The following RNF150 variants were observed in gnomAD, a reference collection of about 807,000 sequenced individuals.
The protein encoded by RNF150 is ring finger protein 150.
In RNF150, 24 loss-of-function variants were observed where a neutral mutation model predicts 39.3. The observed-to-expected ratio is 0.61, with a 90% CI of 0.44 to 0.86. The LOEUF is 0.86. Ranked by LOEUF, RNF150 falls within the 40% of genes least tolerant of loss-of-function variation. RNF150 has a pLI of 0.00. For missense variants in RNF150, 502 were observed against 587.8 expected (o/e 0.85, Z 1.51); for synonymous variants, 255 against 227.3 (o/e 1.12, Z -1.10).
chr4:141,114,387 A>C (rs188455526), intron 1 of RNF150, among the ~76,000 whole-genome samples: 80 of 152,350 alleles, frequency 5.3e-4, no homozygotes, highest in Admixed American at 5.2e-3. Flanking sequence ...CTATGCAAAT[A>C]AACTAGAAAA....
chr4:141,087,619 G>T (rs530358222), intron 1 of RNF150, among the ~76,000 whole-genome samples: 183 of 152,014 alleles, frequency 1.2e-3, no homozygotes, highest in Non-Finnish European at 2.4e-3. Context: ...ATGTTTTATA[G>T]GTCCTGCTCT....
At chr4:141,205,326 T>C (rs1330409388) in intron 1 of RNF150, among the ~76,000 whole-genome samples, 1 of 152,188 alleles carries the variant, frequency 6.6e-6, no homozygotes, top group African/African-American at 2.4e-5. Flanking sequence ...CCTAAGATGA[T>C]AAAACAGAAG....
chr4:141,063,924 C>T (rs1737348381), intron 1 of RNF150, among the ~76,000 whole-genome samples: 1 of 150,400 alleles, frequency 6.6e-6, no homozygotes. Flanking sequence ...AAGGTTTTGG[C>T]CTTAGCCTCT....
chr4:141,152,206 G>C (rs1363387715), intron 1 of RNF150, among the ~76,000 whole-genome samples: 1 of 152,210 alleles, frequency 6.6e-6, no homozygotes, highest in Non-Finnish European at 1.5e-5. Context: ...ATCAACGGGT[G>C]AGATATTGCC....
chr4:140,999,406 C>T (rs1280481861), intron 1 of RNF150, among the ~76,000 whole-genome samples: 1 of 152,196 alleles, frequency 6.6e-6, no homozygotes, highest in Non-Finnish European at 1.5e-5. Flanking sequence ...AGCTGAAGCA[C>T]TGATGCATTT....
chr4:140,983,240 C>A (rs190020623), intron 1 of RNF150, among the ~76,000 whole-genome samples: 1 of 152,078 alleles, frequency 6.6e-6, no homozygotes, highest in African/African-American at 2.4e-5. Context: ...TTCTATTTTT[C>A]ATTAACTTTT....
intron 1 of RNF150, among the ~76,000 whole-genome samples, chr4:141,122,122 G>A (rs370536051): frequency 3.9e-5 from 6 of 152,186 alleles, no homozygotes; most frequent in African/African-American, 1.4e-4. Context: ...CCCCAGAGGA[G>A]GGAAGTGACT....
chr4:141,075,721 T>C (rs1340799916), intron 1 of RNF150, among the ~76,000 whole-genome samples: 1 of 152,214 alleles, frequency 6.6e-6, no homozygotes, highest in African/African-American at 2.4e-5. Context: ...TTTCCATTTC[T>C]TGTACTTACT....
chr4:141,178,965 A>C (rs964978364), intron 1 of RNF150, among the ~76,000 whole-genome samples: 3 of 152,108 alleles, frequency 2.0e-5, no homozygotes, highest in Non-Finnish European at 4.4e-5. Flanking sequence ...TCTCTAGGAA[A>C]GCATATGTGA....
intron 1 of RNF150, among the ~76,000 whole-genome samples, chr4:141,186,840 T>C (rs909178652): frequency 1.3e-5 from 2 of 152,346 alleles, no homozygotes; most frequent in South Asian, 2.1e-4. Flanking sequence ...GGGTTTTTCA[T>C]GTCTCTATCT....
At chr4:141,041,686 A>G (rs928768908) in intron 1 of RNF150, among the ~76,000 whole-genome samples, 1 of 152,080 alleles carries the variant, frequency 6.6e-6, no homozygotes, top group Admixed American at 6.6e-5. Context: ...TTAATAGTAT[A>G]TTGCTACTTT....
chr4:141,000,013 A>G (rs1362847203), intron 1 of RNF150, among the ~76,000 whole-genome samples: 16 of 42,444 alleles, frequency 3.8e-4, no homozygotes, highest in Non-Finnish European at 6.5e-4. Context: ...AAGAAGAAGA[A>G]GAAGAAGAAG....
chr4:140,977,992 G>C lies in RNF150; in HGVS notation c.485-10119C>G, dbSNP rs148342681. 3.7e-4 allele frequency among the ~76,000 whole-genome samples: 57 copies of C among 152,272 alleles called. 1 individual carries two copies. The highest frequency in any genetic ancestry group is 6.2e-4 in the Non-Finnish European group (42 of 68,014). ...TTACCATACTTGTTGAAGATGGGGA[G>C]TGTGCTGTCTGGAAGACAATCTTAG... On this transcript the variant is annotated intron_variant, in intron 1 of 6. Transcript: ENST00000515673.
chr4:140,911,126 A>G lies in RNF150; in HGVS notation c.1198+18T>C. ...ACAGTCCTTCTGGCTATGTCACTTT[A>G]AGTATGGCAGAACTCACTGTTAGTA... On this transcript the variant is annotated intron_variant, in intron 6 of 6. Transcript: ENST00000515673. 1 of 1,597,154 alleles carries G rather than the reference A, an allele frequency of 6.3e-7. No individual in the cohort carries two copies. The highest frequency in any genetic ancestry group is 8.6e-7 in the Non-Finnish European group (1 of 1,165,236).
intron 6 of RNF150, among the ~76,000 whole-genome samples, chr4:140,904,796 G>T (rs1730316081): frequency 6.6e-6 from 1 of 152,144 alleles, no homozygotes; most frequent in Non-Finnish European, 1.5e-5. Context: ...TTCCTGTTCG[G>T]GGTGTGGTCA....
At chr4:140,981,462 A>T (rs1473037295) in intron 1 of RNF150, among the ~76,000 whole-genome samples, 3 of 152,284 alleles carry the variant, frequency 2.0e-5, no homozygotes, top group East Asian at 3.9e-4. Context: ...TAGGCCACTC[A>T]CTTGGACAAC....
chr4:140,952,486 C>A (rs954443027), intron 2 of RNF150, among the ~76,000 whole-genome samples: 8 of 152,300 alleles, frequency 5.3e-5, no homozygotes, highest in African/African-American at 1.9e-4. Context: ...CTGTTGGCTA[C>A]ATCTGAATAA....
chr4:140,985,987 A>G (rs888436030), intron 1 of RNF150, among the ~76,000 whole-genome samples: 3 of 152,230 alleles, frequency 2.0e-5, no homozygotes, highest in African/African-American at 7.2e-5. Flanking sequence ...CACCCTCTCC[A>G]CTAAAGGATT....
chr4:141,184,869 G>C (rs957997648), intron 1 of RNF150, among the ~76,000 whole-genome samples: 7 of 145,800 alleles, frequency 4.8e-5, no homozygotes, highest in African/African-American at 1.6e-4. Flanking sequence ...CTATATATCT[G>C]TGTGTGTGTG....
Sources: allele counts gnomAD v4.1 joint callset (sites outside exome capture counted in the v4.1 genomes callset), GRCh38; gene constraint gnomAD v4.1.1; transcripts MANE v1.5; gene names NCBI Gene and HGNC (gene_info 2026-07-23, HGNC 2026-07-21).